The following CCNY variants were observed in gnomAD, a reference collection of about 807,000 sequenced individuals.
CCNY encodes cyclin-Y.
A neutral mutation model predicts 42.8 loss-of-function variants in CCNY; 19 were observed. The observed-to-expected ratio is 0.44, with a 90% CI of 0.31 to 0.65. The LOEUF (loss-of-function observed/expected upper bound fraction) is 0.65. Among genes scored for constraint, CCNY ranks in the 30% least tolerant of loss-of-function variants. The pLI, the probability that CCNY is intolerant of heterozygous loss-of-function variation, is 0.07. For synonymous variants in CCNY, 165 were observed against 162.7 expected, an observed-to-expected ratio of 1.01 and a Z score of -0.11; for missense variants, 370 against 437.3, an observed-to-expected ratio of 0.85 and a Z score of 1.37.
rs1236753910 is a variant in CCNY at position 35,566,006 on chromosome 10, T to C, written c.747-17T>C. On this transcript the variant is annotated splice_polypyrimidine_tract_variant and intron_variant, in intron 8 of 9. Coordinates refer to ENST00000374704, the MANE Select transcript of CCNY (RefSeq NM_145012.6). ...TGTGGCAGCTAAGCATAGGCTATTT[T>C]TGTCTTTGCTTTGCAGGAACGAGCT... is the stretch of plus-strand genomic sequence containing the variant. 6.2e-7 allele frequency: 1 copy of C among 1,608,642 alleles called. No homozygotes were observed. Among genetic ancestry groups the C allele is most frequent in the Admixed American group, 1.7e-5 (1 of 59,388 alleles).
At chr10:35,329,257 A>C (rs1454601284) in intron 3 of CCNY, among the ~76,000 whole-genome samples, 3 of 152,126 alleles carry the variant, frequency 2.0e-5, no homozygotes, top group Non-Finnish European at 4.4e-5. Flanking sequence ...AGCATATAAA[A>C]ATGTTCATCC....
chr10:35,481,269 A>C (rs979149460), intron 1 of CCNY, among the ~76,000 whole-genome samples: 2 of 152,222 alleles, frequency 1.3e-5, no homozygotes, highest in Non-Finnish European at 2.9e-5. Context: ...GCTGTCCCTT[A>C]GAATCTGTGA....
chr10:35,441,748 A>C (rs1838674453), intron 1 of CCNY, among the ~76,000 whole-genome samples: 1 of 152,176 alleles, frequency 6.6e-6, no homozygotes, highest in African/African-American at 2.4e-5. Context: ...CCCTGTATGA[A>C]AATAGAAAAG....
At chr10:35,501,943 C>T (rs1478775781) in intron 3 of CCNY, among the ~76,000 whole-genome samples, 1 of 152,262 alleles carries the variant, frequency 6.6e-6, no homozygotes, top group East Asian at 1.9e-4. Flanking sequence ...TCTGTCTCCA[C>T]ACTTGACTCT....
intron 2 of CCNY, among the ~76,000 whole-genome samples, chr10:35,494,627 A>T (rs1352239500): frequency 6.6e-6 from 1 of 152,336 alleles, no homozygotes; most frequent in East Asian, 1.9e-4. Flanking sequence ...CAATGAAATC[A>T]TCAGTGATGG....
chr10:35,463,653 A>G (rs1049989277), intron 1 of CCNY, among the ~76,000 whole-genome samples: 2 of 152,256 alleles, frequency 1.3e-5, no homozygotes, highest in Non-Finnish European at 2.9e-5. Context: ...AACTTTAAAA[A>G]AAGATTTATG....
intron 3 of CCNY, among the ~76,000 whole-genome samples, chr10:35,269,597 G>A (rs1235016060): frequency 6.7e-6 from 1 of 148,520 alleles, no homozygotes; most frequent in African/African-American, 2.5e-5. Flanking sequence ...GAGCCGCTGT[G>A]CCCAGCCAAG....
intron 1 of CCNY, among the ~76,000 whole-genome samples, chr10:35,474,930 A>G (rs1415773667): frequency 3.3e-5 from 5 of 151,466 alleles, no homozygotes; most frequent in Admixed American, 3.3e-4. Flanking sequence ...AACTAGAATA[A>G]CCAATACAGA....
At chr10:35,282,043 A>T (rs1406273887) in intron 3 of CCNY, among the ~76,000 whole-genome samples, 1 of 151,728 alleles carries the variant, frequency 6.6e-6, no homozygotes, top group Non-Finnish European at 1.5e-5. Context: ...CTTGGCTTCA[A>T]GGACATCACT....
At chr10:35,276,481 G>C (rs1383573174) in intron 3 of CCNY, among the ~76,000 whole-genome samples, 1 of 152,122 alleles carries the variant, frequency 6.6e-6, no homozygotes, top group Non-Finnish European at 1.5e-5. Context: ...AACCTCCTGG[G>C]CTTAAGCTAT....
intron 1 of CCNY, among the ~76,000 whole-genome samples, chr10:35,371,277 T>TGA (rs1836931084): frequency 6.6e-6 from 1 of 152,238 alleles, no homozygotes; most frequent in African/African-American, 2.4e-5. Flanking sequence ...CTGATACTTC[T>TGA]TTGTTATTTA....
At chr10:35,280,257 T>C (rs1324972947) in intron 3 of CCNY, among the ~76,000 whole-genome samples, 1 of 151,500 alleles carries the variant, frequency 6.6e-6, no homozygotes. Flanking sequence ...AACCTGGGAG[T>C]TGGAGGTTGC....
chr10:35,274,131 G>A (rs1008033791), intron 3 of CCNY, among the ~76,000 whole-genome samples: 1 of 152,186 alleles, frequency 6.6e-6, no homozygotes, highest in Non-Finnish European at 1.5e-5. Flanking sequence ...GGCTGGGGAG[G>A]CCTCACAATC....
intron 1 of CCNY, among the ~76,000 whole-genome samples, chr10:35,396,665 C>T (rs767176205): frequency 6.6e-6 from 1 of 152,216 alleles, no homozygotes; most frequent in South Asian, 2.1e-4. Flanking sequence ...TTCACCTAGG[C>T]CTCAGGGACG....
At chr10:35,249,426 A>G (rs1178674914) in intron 2 of CCNY, among the ~76,000 whole-genome samples, 1 of 152,164 alleles carries the variant, frequency 6.6e-6, no homozygotes, top group Admixed American at 6.5e-5. Context: ...AACTGTGTAG[A>G]TTGTTTATGT....
chr10:35,405,236 T>C (rs1008296448), intron 1 of CCNY, among the ~76,000 whole-genome samples: 1 of 152,178 alleles, frequency 6.6e-6, no homozygotes, highest in Non-Finnish European at 1.5e-5. Flanking sequence ...TTAATCCTTT[T>C]AAAGCATGCT....
chr10:35,458,708 A>T (rs1589134220), intron 1 of CCNY, among the ~76,000 whole-genome samples: 1 of 152,330 alleles, frequency 6.6e-6, no homozygotes, highest in East Asian at 1.9e-4. Context: ...TGCCAGGGAC[A>T]TGTGAGGGTG....
intron 3 of CCNY, among the ~76,000 whole-genome samples, chr10:35,264,195 CCA>C: frequency 6.6e-6 from 1 of 151,848 alleles, no homozygotes; most frequent in African/African-American, 2.4e-5. Flanking sequence ...GGGTATATAC[CCA>C]GTGATGGGAT....
rs772136788 is a variant in CCNY at position 35,530,262 on chromosome 10, G to A, written c.579+19G>A. The stretch of plus-strand genomic sequence containing the variant: ...CACCCTGGTGAGTGCCCTCAGGATG[G>A]CCACACCCATCCCCAGCCGAGGTGG... On this transcript the variant is annotated intron_variant, in intron 7 of 9. Transcript: ENST00000374704. The surrounding 1 kb of genome is among the most constrained non-coding windows in gnomAD (Gnocchi z 4.3). 6.2e-7 allele frequency: 1 copy of A among 1,613,942 alleles called. No homozygotes were observed. The highest frequency in any genetic ancestry group is 1.7e-5 in the Admixed American group (1 of 60,030).
Sources: gnomAD v4.1 joint callset for allele counts (sites outside exome capture counted in the v4.1 genomes callset) on GRCh38, gnomAD v4.1.1 for gene constraint, Gnocchi (gnomAD v3.1) non-coding constraint, MANE v1.5 for transcripts, NCBI Gene and HGNC (gene_info 2026-07-23, HGNC 2026-07-21) for gene names.